Variants in CRYZ observed in about 807,000 individuals in gnomAD.
The protein encoded by CRYZ is crystallin zeta.
Under a neutral mutation model 34.1 loss-of-function variants are expected in CRYZ, and 35 were observed. The observed-to-expected ratio is 1.03, with a 90% CI of 0.78 to 1.36. CRYZ has a LOEUF of 1.36. CRYZ is among the 40% of genes most tolerant of loss of function. The pLI is 0.00. For missense variants in CRYZ, 403 were observed against 391.8 expected, an observed-to-expected ratio of 1.03 and a Z score of -0.24; for synonymous variants, 137 against 136.5, an observed-to-expected ratio of 1.00 and a Z score of -0.03.
intron 3 of CRYZ, among the ~76,000 whole-genome samples, chr1:74,722,335 G>C (rs1195420850): frequency 6.6e-6 from 1 of 151,964 alleles, no homozygotes; most frequent in Non-Finnish European, 1.5e-5. Flanking sequence ...GACATAAAAG[G>C]GCCCATTAAC....
rs1646927057 is a variant in CRYZ, at chr1:74,706,299, T to C, written c.987A>G (p.Leu329=). 1.9e-6 allele frequency: 3 copies of C among 1,602,994 alleles called. No individual in the cohort carries two copies. The highest frequency in any genetic ancestry group is 1.7e-4 in the Middle Eastern group (1 of 5,998). The stretch of plus-strand genomic sequence containing the variant: ...AAATCCATGAAAGAATTAATCATCA[T>C]AAGAGAAGAATCATTTTTCCAGTAG... ...SGATGKMILL[L] is the part of the protein sequence containing the mutation. Residue 329 remains leucine (L), a synonymous_variant, in exon 9 of 9, where the codon TTA becomes TTG. Coordinates refer to ENST00000340866, the MANE Select transcript of CRYZ (RefSeq NM_001889.4).
At chr1:74,732,370 AC>A (rs1199547578) in intron 1 of CRYZ, among the ~76,000 whole-genome samples, 1 of 131,246 alleles carries the variant, frequency 7.6e-6, no homozygotes, top group African/African-American at 3.0e-5. Context: ...AAGGGGCCCT[AC>A]CTAGGAGAAG....
chr1:74,726,244 G>A (rs954078443), intron 1 of CRYZ, among the ~76,000 whole-genome samples: 1 of 152,202 alleles, frequency 6.6e-6, no homozygotes, highest in Non-Finnish European at 1.5e-5. Context: ...GGTTCTCCAT[G>A]AGGGCTCCAT....
chr1:74,713,468 T>C (rs961050476), intron 5 of CRYZ, among the ~76,000 whole-genome samples: 19 of 152,166 alleles, frequency 1.2e-4, no homozygotes. Context: ...ACAAGGTATA[T>C]CTGTCATATT....
chr1:74,718,986 T>C (rs937926243), intron 4 of CRYZ, among the ~76,000 whole-genome samples: 1 of 152,172 alleles, frequency 6.6e-6, no homozygotes, highest in Non-Finnish European at 1.5e-5. Flanking sequence ...GTCATTTCCC[T>C]TACTAGACTG....
intron 1 of CRYZ, among the ~76,000 whole-genome samples, chr1:74,731,822 A>G (rs879660669): frequency 5.9e-5 from 9 of 152,096 alleles, no homozygotes; most frequent in Non-Finnish European, 1.5e-5. Flanking sequence ...TCATTGACAC[A>G]CCTTCCCTGG....
In CRYZ at chr1:74,706,031, T is replaced by C; in HGVS notation, c.*265A>G. The C allele has an allele frequency of 3.3e-6, 1 of 302,598 alleles. No individual in the cohort carries two copies. The highest frequency in any genetic ancestry group is 6.1e-6 in the Non-Finnish European group (1 of 163,688). The allele number at this position is 302,598 out of a possible 1,614,324, so 18.7% of individuals were successfully genotyped here. A position where few individuals can be genotyped will look rare whatever the true frequency, so the allele number is the denominator to read the frequency against. Reference sequence around the variant, plus strand: ...TAATCAAATATCAATTAAGAATTACTGGAATGCACACTCATGCCAAATGAC... The same window carrying C: ...TAATCAAATATCAATTAAGAATTACCGGAATGCACACTCATGCCAAATGAC... On this transcript the variant is annotated 3_prime_UTR_variant, in exon 9 of 9. Transcript: ENST00000340866.
At chr1:74,724,864 C>T (rs372635888) in intron 1 of CRYZ, 30 bp from the exon 2 acceptor site, 11 of 1,268,908 alleles carry the variant, frequency 8.7e-6, no homozygotes, top group Middle Eastern at 1.9e-4. Flanking sequence ...AATGTATTGT[C>T]ACATTGTATC....
intron 1 of CRYZ, among the ~76,000 whole-genome samples, chr1:74,725,879 T>C (rs1015670346): frequency 6.6e-6 from 1 of 152,188 alleles, no homozygotes; most frequent in East Asian, 1.9e-4. Flanking sequence ...ACAGGTCCCA[T>C]GCAAGTCCAA....
intron 6 of CRYZ, among the ~76,000 whole-genome samples, chr1:74,709,195 G>A (rs1043993548): frequency 6.6e-6 from 1 of 152,098 alleles, no homozygotes; most frequent in African/African-American, 2.4e-5. Flanking sequence ...TTTGAGAATG[G>A]GAGAGACTTA....
chr1:74,710,523 T>C lies in CRYZ; in HGVS notation c.481-276A>G, dbSNP rs553095095. Among the ~76,000 whole-genome samples the C allele has an allele frequency of 2.1e-3, 317 of 152,320 alleles. 3 individuals carry two copies. The highest frequency in any genetic ancestry group is 7.3e-3 in the African/African-American group (304 of 41,576). ...TGTCCCTATTGTACAGATAAGAAAG[T>C]TGAAGCTTCAAATTATAAGTAATTT... On this transcript the variant is annotated intron_variant, in intron 5 of 8. Coordinates refer to ENST00000340866, the MANE Select transcript of CRYZ (RefSeq NM_001889.4).
chr1:74,717,935 T>C (rs1647099634), intron 4 of CRYZ, among the ~76,000 whole-genome samples: 1 of 150,684 alleles, frequency 6.6e-6, no homozygotes, highest in Non-Finnish European at 1.5e-5. Flanking sequence ...TTTCACCTTG[T>C]CAATTCTTAC....
At chr1:74,716,253 A>G (rs896024547) in intron 4 of CRYZ, among the ~76,000 whole-genome samples, 2 of 151,994 alleles carry the variant, frequency 1.3e-5, no homozygotes, top group Non-Finnish European at 2.9e-5. Flanking sequence ...AGGAATTTAT[A>G]TAGAGATAAA....
At chr1:74,716,360 C>A (rs956698396) in intron 4 of CRYZ, among the ~76,000 whole-genome samples, 9 of 151,998 alleles carry the variant, frequency 5.9e-5, no homozygotes, top group African/African-American at 1.9e-4. Context: ...TCTGGAGAAC[C>A]CTGACTAATA....
intron 3 of CRYZ, among the ~76,000 whole-genome samples, chr1:74,721,317 T>A (rs1557729885): frequency 6.6e-6 from 1 of 152,186 alleles, no homozygotes; most frequent in East Asian, 1.9e-4. Context: ...GCATGGGATG[T>A]GCAGGGAAGG....
At chr1:74,719,137 CAGCT>C in intron 4 of CRYZ, 68 bp downstream of exon 4, 1 of 1,462,234 alleles carries the variant, frequency 6.8e-7, no homozygotes, top group Non-Finnish European at 9.5e-7. Flanking sequence ...GATGGACAGA[CAGCT>C]AGAAGGCAGG....
intron 1 of CRYZ, 190 bp downstream of exon 1, chr1:74,732,766 C>T (rs1311277452): frequency 6.4e-6 from 1 of 157,264 alleles, no homozygotes; most frequent in East Asian, 1.9e-4. Flanking sequence ...AAACTTCCTA[C>T]CTGATTTATG....
chr1:74,714,327 C>T (rs1434773009), intron 5 of CRYZ, among the ~76,000 whole-genome samples: 1 of 152,048 alleles, frequency 6.6e-6, no homozygotes, highest in Non-Finnish European at 1.5e-5. Flanking sequence ...TTATCTTAGT[C>T]TACACCCAAT....
intron 1 of CRYZ, among the ~76,000 whole-genome samples, 185 bp from the exon 2 acceptor site, chr1:74,725,019 T>C (rs1469119288): frequency 6.6e-6 from 1 of 152,204 alleles, no homozygotes; most frequent in African/African-American, 2.4e-5. Flanking sequence ...TAAAGCAGAA[T>C]CCTTCATGCT....
Sources: allele counts gnomAD v4.1 joint callset (sites outside exome capture counted in the v4.1 genomes callset), GRCh38; gene constraint gnomAD v4.1.1; transcripts MANE v1.5; gene names NCBI Gene and HGNC (gene_info 2026-07-23, HGNC 2026-07-21).